The following HTT variants were observed in gnomAD, a reference collection of about 807,000 sequenced individuals.
HTT encodes the protein huntingtin.
In HTT, 104 loss-of-function variants were observed where a neutral mutation model predicts 362.3. The ratio of observed to expected loss-of-function variants is 0.29; its 90% CI spans 0.24 to 0.34. HTT has a LOEUF of 0.34. Ranked by LOEUF, HTT falls within the 10% of genes least tolerant of loss-of-function variation. The pLI is 1.00. For missense variants in HTT, 3,301 were observed against 3,928.6 expected (o/e 0.84, Z 4.27); for synonymous variants, 1,577 against 1,548.7 (o/e 1.02, Z -0.43).
At chr4:3,136,984 T>C (rs909263343) in intron 21 of HTT, among the ~76,000 whole-genome samples, 2 of 151,938 alleles carry the variant, frequency 1.3e-5, no homozygotes, top group Non-Finnish European at 2.9e-5. Context: ...CTCGGCTCAC[T>C]GCAACCTCTG....
Position 3,243,361 on chromosome 4 carries a change from A to G in HTT, c.*3302A>G, listed in dbSNP as rs972862272. The G allele has an allele frequency of 3.3e-5, 5 of 152,506 alleles. No individual in the cohort carries two copies. The highest frequency in any genetic ancestry group is 1.2e-4 in the African/African-American group (5 of 41,452). The allele number at this position is 152,506 out of a possible 1,614,324, so 9.4% of individuals were successfully genotyped here. On this transcript the variant is annotated 3_prime_UTR_variant, in exon 67 of 67. Transcript: ENST00000355072. ...GGACCCGGGACCACAGCTGCTGGCCAGGGTAGACTTGGAGCTGTCCTCCAG... is the reference window on the plus strand; with the variant it reads ...GGACCCGGGACCACAGCTGCTGGCCGGGGTAGACTTGGAGCTGTCCTCCAG...
intron 27 of HTT, among the ~76,000 whole-genome samples, 159 bp downstream of exon 27, chr4:3,154,578 A>G (rs1717054755): frequency 2.0e-5 from 3 of 152,260 alleles, no homozygotes; most frequent in South Asian, 2.1e-4. Context: ...TTAGAAACTA[A>G]TGACTGATGT....
chr4:3,103,787 GAT>G (rs1714276741), intron 3 of HTT, 35 bp from the exon 4 acceptor site: 2 of 1,336,842 alleles, frequency 1.5e-6, no homozygotes, highest in Non-Finnish European at 2.1e-6. Context: ...CTAGTGATGG[GAT>G]GTGTCTTCCA....
rs905620167 is a variant in HTT at position 3,235,258 on chromosome 4, G to A, written c.8457-26G>A. On this transcript the variant is annotated intron_variant, in intron 61 of 66. Coordinates refer to ENST00000355072, the MANE Select transcript of HTT (RefSeq NM_001388492.1). ...CTCCACGTTGGATGGGGGTGGCTGA[G>A]CCTGGATGCTGTCTCCCGTTTTCAG... 9.2e-6 allele frequency: 14 copies of A among 1,514,838 alleles called. 1 individual carries two copies. The highest frequency in any genetic ancestry group is 1.1e-5 in the Non-Finnish European group (12 of 1,090,882). 93.8% of individuals were successfully genotyped at this position (1,514,838 alleles called of 1,614,324 possible). A position where few individuals can be genotyped will look rare whatever the true frequency, so the allele number is the denominator to read the frequency against.
In HTT at chr4:3,212,567, A is replaced by T. The variant is rs1720212541; in HGVS notation, c.6632A>T (p.Asp2211Val). Residue 2211 changes from aspartate (D) to valine (V), a missense_variant, in exon 49 of 67, where the codon GAT becomes GTT. By Grantham distance (152) the Asp-to-Val change is radical. Transcript: ENST00000355072. The part of the protein sequence containing the change: ...YWSKLNDLFG[D>V]AALYQSLPTL... Reference sequence around the variant, plus strand: ...CCACGAGGTCCTTCTGTTTCAGGGGATGCTGCACTGTATCAGTCCCTGCCC... The same window carrying T: ...CCACGAGGTCCTTCTGTTTCAGGGGTTGCTGCACTGTATCAGTCCCTGCCC... The T allele has an allele frequency of 6.2e-7, 1 of 1,614,128 alleles. No individual in the cohort carries two copies. The highest frequency in any genetic ancestry group is 8.5e-7 in the Non-Finnish European group (1 of 1,180,000).
At chr4:3,130,504 T>C (rs1715757610) in intron 14 of HTT, 81 bp downstream of exon 14, 1 of 715,806 alleles carries the variant, frequency 1.4e-6, no homozygotes, top group East Asian at 2.7e-5. Context: ...CTGTCTACTT[T>C]ATTGCTTTCC....
intron 18 of HTT, among the ~76,000 whole-genome samples, chr4:3,133,403 G>T (rs571440235): frequency 6.6e-6 from 1 of 151,870 alleles, no homozygotes; most frequent in Admixed American, 6.6e-5. Context: ...TGAGGTGGAG[G>T]GGGGATTGCT....
chr4:3,112,420 C>T (rs1256830384), intron 6 of HTT, among the ~76,000 whole-genome samples: 2 of 152,186 alleles, frequency 1.3e-5, no homozygotes, highest in African/African-American at 4.8e-5. Flanking sequence ...CCCCTATTCC[C>T]CCGTCACTGC....
Position 3,075,016 on chromosome 4 carries a change from A to G in HTT, c.191A>G (p.Gln64Arg). 7.8e-7 allele frequency: 1 copy of G among 1,278,724 alleles called. No homozygotes were observed. Among genetic ancestry groups the G allele is most frequent in the Non-Finnish European group, 9.8e-7 (1 of 1,017,260 alleles). 79.2% of individuals were successfully genotyped at this position (1,278,724 alleles called of 1,614,324 possible). ...PPPQAQPLLP[Q>R]PQPPPPPPPP... is the part of the protein sequence containing the mutation. ...CCGCAGGCACAGCCGCTGCTGCCTC[A>G]GCCGCAGCCGCCCCCGCCGCCGCCC... The change falls in exon 1 of 67, where the codon CAG becomes CGG. Residue 64 changes from glutamine (Q) to arginine (R), a missense_variant. Gln to Arg is a conservative substitution (Grantham distance 43). Coordinates refer to ENST00000355072, the MANE Select transcript of HTT (RefSeq NM_001388492.1).
chr4:3,182,132 C>CT (rs1718551322), intron 36 of HTT, among the ~76,000 whole-genome samples: 1 of 152,182 alleles, frequency 6.6e-6, no homozygotes, highest in African/African-American at 2.4e-5. Flanking sequence ...AAGTGTGCAC[C>CT]TTGTATGTGC....
At chr4:3,124,949 CTG>C (rs1320992725) in intron 10 of HTT, among the ~76,000 whole-genome samples, 1 of 152,150 alleles carries the variant, frequency 6.6e-6, no homozygotes, top group Non-Finnish European at 1.5e-5. Context: ...CATATTAAGA[CTG>C]TTGGTTTCAT....
At position 3,189,065 on chromosome 4, in the gene HTT, A is replaced by G. The variant is rs371791011; in HGVS notation, c.5340A>G (p.Leu1780=). 1.9e-6 allele frequency: 3 copies of G among 1,614,176 alleles called. No homozygotes were observed. The highest frequency in any genetic ancestry group is 1.1e-5 in the South Asian group (1 of 91,076). ...TFYCQELGTL[L]MCLIHIFKSG... ...ATTGCCAGGAACTAGGCACACTGCT[A>G]ATGTGTCTGATCCACATCTTCAAGT... The change falls in exon 40 of 67, where the codon CTA becomes CTG. Residue 1780 remains leucine (L), a synonymous_variant. Transcript: ENST00000355072.
At chr4:3,147,928 A>T in intron 25 of HTT, 77 bp from the exon 26 acceptor site, 1 of 1,199,770 alleles carries the variant, frequency 8.3e-7, no homozygotes, top group Non-Finnish European at 1.2e-6. Context: ...AGGGTCTTAA[A>T]TGACTTCAGT....
intron 2 of HTT, among the ~76,000 whole-genome samples, chr4:3,090,172 A>T (rs767334468): frequency 6.6e-6 from 1 of 152,222 alleles, no homozygotes; most frequent in Non-Finnish European, 1.5e-5. Context: ...GGTTATATAA[A>T]TGGCAGCTTC....
chr4:3,075,497 T>C (rs1560535690), intron 1 of HTT, among the ~76,000 whole-genome samples: 1 of 152,144 alleles, frequency 6.6e-6, no homozygotes, highest in Non-Finnish European at 1.5e-5. Flanking sequence ...GAGCCGAGAT[T>C]TGCTCAGTGC....
In HTT at chr4:3,137,476, A is replaced by T. The variant is rs181250070; in HGVS notation, c.2798+1150A>T. On this transcript the variant is annotated intron_variant, in intron 21 of 66. Coordinates refer to ENST00000355072, the MANE Select transcript of HTT (RefSeq NM_001388492.1). ...CACTTTGGGAGGCCGAGGTTGGTGGATCACTTGAGGTCAGGAGTTCGAGAC... is the reference window on the plus strand; with the variant it reads ...CACTTTGGGAGGCCGAGGTTGGTGGTTCACTTGAGGTCAGGAGTTCGAGAC... Among the ~76,000 whole-genome samples, 1,520 of 152,068 alleles carry T rather than the reference A, an allele frequency of 1.0e-2. 10 individuals carry two copies. The highest frequency in any genetic ancestry group is 0.022 in the African/African-American group (912 of 41,516).
intron 5 of HTT, among the ~76,000 whole-genome samples, chr4:3,106,565 C>G (rs1714435571): frequency 6.6e-6 from 1 of 152,146 alleles, no homozygotes; most frequent in African/African-American, 2.4e-5. Flanking sequence ...AACTCTTGTA[C>G]CCATTTCCCA....
At chr4:3,196,925 C>T (rs1225452372) in intron 40 of HTT, among the ~76,000 whole-genome samples, 1 of 152,202 alleles carries the variant, frequency 6.6e-6, no homozygotes, top group Non-Finnish European at 1.5e-5. Context: ...TCTGTGTACA[C>T]TCCATTCTCA....
At chr4:3,083,219 T>C (rs1242151150) in intron 1 of HTT, among the ~76,000 whole-genome samples, 2 of 152,144 alleles carry the variant, frequency 1.3e-5, no homozygotes, top group Non-Finnish European at 2.9e-5. Context: ...GTTTAATTTA[T>C]GTTTTTAAAA....
Sources: allele counts gnomAD v4.1 joint callset (sites outside exome capture counted in the v4.1 genomes callset), GRCh38; gene constraint gnomAD v4.1.1; transcripts MANE v1.5; gene names NCBI Gene and HGNC (gene_info 2026-07-23, HGNC 2026-07-21).